Variants in CHLSN observed in about 807,000 individuals in gnomAD.
CHLSN encodes protein cholesin.
chr7:997,501 C>T, the CHLSN span: 1 of 828,314 alleles, frequency 1.2e-6, no homozygotes, highest in East Asian at 3.2e-5. Context: ...ACCGGAGGAG[C>T]TGAAAGCCCT....
the CHLSN span, among the ~76,000 whole-genome samples, chr7:994,091 C>A: frequency 5.3e-5 from 8 of 152,206 alleles, no homozygotes; most frequent in Non-Finnish European, 1.0e-4. Context: ...TGCTCACCCC[C>A]ACAGGCAATG....
At chr7:1,093,682 A>G in the CHLSN span, 11 of 469,522 alleles carry the variant, frequency 2.3e-5, no homozygotes, top group Non-Finnish European at 3.5e-5. Context: ...TGGCTGACGA[A>G]TTTGTTTCTA....
chr7:1,037,382 G>A, the CHLSN span, among the ~76,000 whole-genome samples: 3 of 133,990 alleles, frequency 2.2e-5, no homozygotes, highest in African/African-American at 5.5e-5. Context: ...AGCCTGCCGA[G>A]TGCCTGCCAT....
At chr7:1,075,231 A>G in the CHLSN span, among the ~76,000 whole-genome samples, 2 of 152,114 alleles carry the variant, frequency 1.3e-5, no homozygotes, top group Admixed American at 1.3e-4. Context: ...CAGCCATTTT[A>G]GGCCAGGGGC....
the CHLSN span, among the ~76,000 whole-genome samples, chr7:1,130,572 A>C: frequency 6.7e-5 from 9 of 134,370 alleles, no homozygotes; most frequent in South Asian, 2.6e-4. Context: ...CCCCAGGGCC[A>C]CCCCCTCACC....
chr7:1,053,541 C>T, the CHLSN span, among the ~76,000 whole-genome samples: 1 of 152,216 alleles, frequency 6.6e-6, no homozygotes, highest in Non-Finnish European at 1.5e-5. Flanking sequence ...TCAAAATGTA[C>T]ACCTCGCTGG....
the CHLSN span, chr7:1,092,508 G>T: frequency 6.2e-7 from 1 of 1,607,972 alleles, no homozygotes. Context: ...CGCTCCGCAT[G>T]ATCCTCGCGG....
At chr7:1,061,796 AGCC>A in the CHLSN span, among the ~76,000 whole-genome samples, 2 of 145,938 alleles carry the variant, frequency 1.4e-5, no homozygotes, top group Non-Finnish European at 2.9e-5. Context: ...TCTTCCAGGC[AGCC>A]ATCTCCCCGA....
At chr7:1,071,595 T>A in the CHLSN span, among the ~76,000 whole-genome samples, 22 of 152,108 alleles carry the variant, frequency 1.4e-4, no homozygotes, top group East Asian at 2.3e-3. Context: ...CCACTGTGAG[T>A]CTTCATAGAA....
At chr7:1,010,737 G>A in the CHLSN span, among the ~76,000 whole-genome samples, 4 of 152,198 alleles carry the variant, frequency 2.6e-5, no homozygotes, top group South Asian at 8.3e-4. Flanking sequence ...CAGGCCCTCC[G>A]TCTTGCCCAC....
chr7:1,010,089 C>T, the CHLSN span: 1 of 1,612,936 alleles, frequency 6.2e-7, no homozygotes, highest in South Asian at 1.1e-5. Context: ...ACCCTCTGCT[C>T]CTCTGGGGAC....
chr7:1,092,833 G>A, the CHLSN span: 2 of 1,613,014 alleles, frequency 1.2e-6, no homozygotes. Flanking sequence ...GCAGTCGGAT[G>A]TGAGGTTCAG....
At chr7:1,000,398 G>A in the CHLSN span, 2 of 1,168,344 alleles carry the variant, frequency 1.7e-6, no homozygotes, top group African/African-American at 1.9e-5. Flanking sequence ...TCAGCCCCCG[G>A]GGGGACGTGC....
At chr7:1,028,350 C>T in the CHLSN span, 1 of 1,013,122 alleles carries the variant, frequency 9.9e-7, no homozygotes, top group Non-Finnish European at 1.2e-6. Flanking sequence ...CCTCCAGCAG[C>T]CTCAGCGCCT....
At chr7:999,749 C>T in the CHLSN span, among the ~76,000 whole-genome samples, 2 of 152,244 alleles carry the variant, frequency 1.3e-5, no homozygotes, top group East Asian at 3.8e-4. Flanking sequence ...AAAGCCTGGC[C>T]TCTAGTAACG....
the CHLSN span, among the ~76,000 whole-genome samples, chr7:1,098,842 G>GAGCCACTGCTGACAGGC: frequency 1.3e-5 from 2 of 152,234 alleles, no homozygotes; most frequent in Non-Finnish European, 2.9e-5. Flanking sequence ...GGGGGACGGG[G>GAGCCACTGCTGACAGGC]AGCCACTGCT....
At chr7:1,055,407 C>T in the CHLSN span, 1 of 469,260 alleles carries the variant, frequency 2.1e-6, no homozygotes, top group Non-Finnish European at 4.4e-6. Context: ...CTCTGGTGGC[C>T]ACCTCTGTCC....
At chr7:1,115,838 T>C in the CHLSN span, among the ~76,000 whole-genome samples, 2 of 101,408 alleles carry the variant, frequency 2.0e-5, no homozygotes, top group Non-Finnish European at 4.0e-5. Flanking sequence ...ATGGCTTCCA[T>C]CACCGACGCC....
the CHLSN span, chr7:1,028,460 G>C: frequency 5.1e-6 from 5 of 985,514 alleles, no homozygotes; most frequent in South Asian, 9.4e-5. Context: ...CCTCGGCGCG[G>C]GGGTGGGAGA....
Sources: allele counts gnomAD v4.1 joint callset (sites outside exome capture counted in the v4.1 genomes callset), GRCh38; gene constraint gnomAD v4.1.1; transcripts MANE v1.5; gene names NCBI Gene and HGNC (gene_info 2026-07-23, HGNC 2026-07-21).